The following AKAP6 variants were observed in gnomAD, a reference collection of about 807,000 sequenced individuals.
The protein encoded by AKAP6 is A-kinase anchor protein 6.
A neutral mutation model predicts 188.5 loss-of-function variants in AKAP6; 58 were observed. That is an observed-to-expected ratio of 0.31 (90% CI 0.25 to 0.38). The LOEUF (loss-of-function observed/expected upper bound fraction) is 0.38, where lower values mean the gene tolerates loss of function less well. Among genes scored for constraint, AKAP6 ranks in the 10% least tolerant of loss-of-function variants. The pLI is 1.00. For synonymous variants in AKAP6, 989 were observed against 998.6 expected (o/e 0.99, Z 0.18); for missense variants, 2,710 against 2,740.0 (o/e 0.99, Z 0.24).
intron 11 of AKAP6, among the ~76,000 whole-genome samples, chr14:32,743,261 T>C (rs2031756395): frequency 6.6e-6 from 1 of 152,190 alleles, no homozygotes; most frequent in Non-Finnish European, 1.5e-5. Context: ...TGTATCTTTA[T>C]AGTCAAAGTG....
intron 5 of AKAP6, among the ~76,000 whole-genome samples, chr14:32,577,872 C>T (rs1160201362): frequency 6.6e-6 from 1 of 151,920 alleles, no homozygotes; most frequent in Non-Finnish European, 1.5e-5. Context: ...CGATGAACCT[C>T]GTGGGGTTTT....
intron 1 of AKAP6, among the ~76,000 whole-genome samples, chr14:32,358,419 C>T (rs1206442714): frequency 6.6e-6 from 1 of 152,158 alleles, no homozygotes; most frequent in Non-Finnish European, 1.5e-5. Flanking sequence ...ATGAAATGAA[C>T]TCTTGCTTAT....
chr14:32,404,691 G>GATAGATATATATATATAT lies in AKAP6; in HGVS notation c.-34-28766_-34-28765insGATATATATATATATATA. Reference sequence around the variant, plus strand: ...AGAGTGGGGTTATGAGGAGTCAGGAGATATATATATATATATATATTAGTC... The same window carrying GATAGATATATATATATAT: ...AGAGTGGGGTTATGAGGAGTCAGGAGATAGATATATATATATATATATATATATATATATATATTAGTC... On this transcript the variant is annotated intron_variant, in intron 1 of 13. Transcript: ENST00000280979. Among the ~76,000 whole-genome samples the GATAGATATATATATATAT allele has an allele frequency of 3.3e-3, 146 of 44,420 alleles. 12 individuals are homozygous for GATAGATATATATATATAT. The highest frequency in any genetic ancestry group is 6.5e-3 in the African/African-American group (91 of 13,982). The allele number at this position is 44,420 out of a possible 152,430, so 29.1% of individuals were successfully genotyped here. A position where few individuals can be genotyped will look rare whatever the true frequency, so the allele number is the denominator to read the frequency against.
At chr14:32,752,203 G>C (rs545151063) in intron 11 of AKAP6, among the ~76,000 whole-genome samples, 1 of 152,116 alleles carries the variant, frequency 6.6e-6, no homozygotes, top group African/African-American at 2.4e-5. Context: ...CCATATGTGC[G>C]GAATAGCAAA....
At chr14:32,414,494 C>T (rs1356367054) in intron 1 of AKAP6, among the ~76,000 whole-genome samples, 1 of 152,062 alleles carries the variant, frequency 6.6e-6, no homozygotes, top group Non-Finnish European at 1.5e-5. Flanking sequence ...AAATGATGCT[C>T]TGAATATTAT....
intron 9 of AKAP6, among the ~76,000 whole-genome samples, chr14:32,699,437 A>G (rs1273501370): frequency 2.0e-5 from 3 of 152,202 alleles, no homozygotes; most frequent in African/African-American, 4.8e-5. Context: ...TAATACTGCA[A>G]TGGGCTATAA....
Position 32,503,046 on chromosome 14 carries a change from C to T in AKAP6, c.325-32508C>T, listed in dbSNP as rs182449343. Among the ~76,000 whole-genome samples the T allele has an allele frequency of 2.6e-5, 4 of 152,148 alleles. No homozygotes were observed. The East Asian group carries it at 5.8e-4, about 22-fold the overall frequency. On this transcript the variant is annotated intron_variant, in intron 2 of 13. Coordinates refer to ENST00000280979, the MANE Select transcript of AKAP6 (RefSeq NM_004274.5). ...TTCCACAGTGGTTGCACTAATTTAC[C>T]GTCCAACCAGGAATACTTAATAGTG... is the stretch of plus-strand genomic sequence containing the variant.
intron 1 of AKAP6, among the ~76,000 whole-genome samples, chr14:32,412,257 TCTCA>T (rs1258407889): frequency 1.3e-5 from 2 of 152,218 alleles, no homozygotes; most frequent in Non-Finnish European, 2.9e-5. Context: ...GCATTCAGTG[TCTCA>T]CTCACTCCTT....
At chr14:32,404,948 A>G (rs1038843400) in intron 1 of AKAP6, among the ~76,000 whole-genome samples, 1 of 150,760 alleles carries the variant, frequency 6.6e-6, no homozygotes, top group Non-Finnish European at 1.5e-5. Flanking sequence ...GGTGGAAGAG[A>G]GAAGAGAGAG....
chr14:32,574,348 T>C (rs1310781816), intron 4 of AKAP6, among the ~76,000 whole-genome samples: 2 of 152,216 alleles, frequency 1.3e-5, no homozygotes, highest in Admixed American at 6.5e-5. Context: ...TTTTGCTATC[T>C]GGCTGGGATA....
intron 4 of AKAP6, among the ~76,000 whole-genome samples, chr14:32,557,067 C>G (rs542859734): frequency 9.9e-5 from 15 of 152,008 alleles, no homozygotes; most frequent in African/African-American, 2.7e-4. Flanking sequence ...TTTTGAGAGC[C>G]CTTTTTTTGT....
intron 7 of AKAP6, among the ~76,000 whole-genome samples, chr14:32,631,348 G>C (rs535959322): frequency 6.6e-6 from 1 of 151,916 alleles, no homozygotes; most frequent in Non-Finnish European, 1.5e-5. Flanking sequence ...TATATTTATC[G>C]ATTTTCCACT....
chr14:32,711,843 C>T (rs1051356305), intron 9 of AKAP6, among the ~76,000 whole-genome samples: 4 of 151,954 alleles, frequency 2.6e-5, no homozygotes, highest in East Asian at 1.9e-4. Context: ...AGATTCCCCT[C>T]GGGCAATTAT....
chr14:32,347,618 A>G (rs1200208249), intron 1 of AKAP6, among the ~76,000 whole-genome samples: 2 of 152,242 alleles, frequency 1.3e-5, no homozygotes, highest in Admixed American at 6.5e-5. Context: ...TGATTTGCCT[A>G]AAGTTTTTCA....
At chr14:32,376,911 G>T (rs1347693496) in intron 1 of AKAP6, among the ~76,000 whole-genome samples, 1 of 152,156 alleles carries the variant, frequency 6.6e-6, no homozygotes, top group African/African-American at 2.4e-5. Context: ...TGGCCAGGCT[G>T]GTCTTACTCC....
At chr14:32,607,193 G>A (rs1265471468) in intron 7 of AKAP6, among the ~76,000 whole-genome samples, 1 of 152,204 alleles carries the variant, frequency 6.6e-6, no homozygotes, top group Non-Finnish European at 1.5e-5. Context: ...TTCTTCCACA[G>A]CATTGGTGAG....
At chr14:32,342,902 C>T (rs1387691673) in intron 1 of AKAP6, among the ~76,000 whole-genome samples, 1 of 152,054 alleles carries the variant, frequency 6.6e-6, no homozygotes, top group Non-Finnish European at 1.5e-5. Context: ...TTCTTTTTTG[C>T]ACAATTATCA....
chr14:32,382,808 C>T (rs796132858), intron 1 of AKAP6, among the ~76,000 whole-genome samples: 1 of 152,004 alleles, frequency 6.6e-6, no homozygotes, highest in Admixed American at 6.6e-5. Flanking sequence ...AACTGTGGTA[C>T]AGGGGAAGGA....
chr14:32,352,024 A>G (rs1887289462), intron 1 of AKAP6, among the ~76,000 whole-genome samples: 1 of 151,880 alleles, frequency 6.6e-6, no homozygotes, highest in African/African-American at 2.4e-5. Context: ...GAAGCTATAG[A>G]GAGTTTCACA....
Sources: allele counts gnomAD v4.1 joint callset (sites outside exome capture counted in the v4.1 genomes callset), GRCh38; gene constraint gnomAD v4.1.1; transcripts MANE v1.5; gene names NCBI Gene and HGNC (gene_info 2026-07-23, HGNC 2026-07-21).